Variants in CD96 observed in about 807,000 individuals in gnomAD.
CD96 encodes CD96 molecule.
A neutral mutation model predicts 71.3 loss-of-function variants in CD96; 70 were observed. The observed-to-expected ratio is 0.98, with a 90% CI of 0.81 to 1.20. The LOEUF is 1.20. Among genes scored for constraint, CD96 ranks in the 50% most tolerant of loss-of-function variants. The pLI is 0.00. For missense variants in CD96, 742 were observed against 677.5 expected (o/e 1.10, Z -1.06); for synonymous variants, 248 against 233.0 (o/e 1.06, Z -0.59).
chr3:111,643,300 C>T (rs1471772662), intron 12 of CD96, among the ~76,000 whole-genome samples: 2 of 152,060 alleles, frequency 1.3e-5, no homozygotes, highest in African/African-American at 2.4e-5. Context: ...GATTAAAACT[C>T]AGCAAAATTG....
At chr3:111,565,898 T>C (rs16858276) in intron 2 of CD96, among the ~76,000 whole-genome samples, 4,601 of 151,664 alleles carry the variant, frequency 0.03, 173 homozygotes, top group East Asian at 0.15. Flanking sequence ...AAAGAGTTAT[T>C]GGTAAAGAAG....
intron 5 of CD96, among the ~76,000 whole-genome samples, chr3:111,591,983 T>C (rs927827057): frequency 1.3e-5 from 2 of 152,240 alleles, no homozygotes; most frequent in African/African-American, 4.8e-5. Flanking sequence ...CATCCTCTGC[T>C]TCCAGAGAGG....
intron 5 of CD96, among the ~76,000 whole-genome samples, chr3:111,587,547 C>G (rs1206249961): frequency 6.6e-6 from 1 of 152,158 alleles, no homozygotes; most frequent in East Asian, 1.9e-4. Flanking sequence ...GAATGGTGGT[C>G]CTCTTCTCAC....
chr3:111,553,182 T>A (rs548802532), intron 2 of CD96, among the ~76,000 whole-genome samples: 37 of 150,830 alleles, frequency 2.5e-4, no homozygotes, highest in African/African-American at 7.6e-4. Flanking sequence ...TTTTTTTTTT[T>A]AAATTAGGAT....
At chr3:111,548,977 T>C (rs1247566876) in intron 2 of CD96, among the ~76,000 whole-genome samples, 1 of 152,152 alleles carries the variant, frequency 6.6e-6, no homozygotes, top group African/African-American at 2.4e-5. Context: ...CAAAGTTCAA[T>C]AGGAAGAAGT....
At chr3:111,606,892 G>C in intron 8 of CD96, 100 bp downstream of exon 8, 1 of 784,342 alleles carries the variant, frequency 1.3e-6, no homozygotes, top group South Asian at 1.4e-5. Context: ...TCTTAGCTAT[G>C]ACTTTTTTGG....
chr3:111,575,825 T>C (rs979557298), intron 3 of CD96, among the ~76,000 whole-genome samples: 5 of 152,210 alleles, frequency 3.3e-5, no homozygotes, highest in African/African-American at 1.2e-4. Context: ...ACAAGCACTT[T>C]GTAGAGTGGC....
At chr3:111,606,846 T>A in intron 8 of CD96, 54 bp downstream of exon 8, 1 of 1,071,466 alleles carries the variant, frequency 9.3e-7, no homozygotes, top group Non-Finnish European at 1.5e-6. Context: ...TTGATAACGA[T>A]AAAATTTCAG....
rs569724190 is a variant in CD96, at chr3:111,603,973, A to T, written c.1088-2727A>T. ...TAATATGCATATAAATCACCCAGGG[A>T]TCTTGCTAAAATACAAAAATTCTGA... On this transcript the variant is annotated intron_variant, in intron 7 of 13. Coordinates refer to ENST00000352690, the MANE Select transcript of CD96 (RefSeq NM_005816.5). 1.2e-3 allele frequency among the ~76,000 whole-genome samples: 178 copies of T among 152,282 alleles called. 2 individuals carry two copies. The South Asian group carries it at 0.036, about 31-fold the overall frequency.
At chr3:111,589,404 C>A (rs943027359) in intron 5 of CD96, among the ~76,000 whole-genome samples, 1 of 152,146 alleles carries the variant, frequency 6.6e-6, no homozygotes, top group Non-Finnish European at 1.5e-5. Context: ...ATAAAATTTC[C>A]TCTTCTCTAC....
intron 8 of CD96, among the ~76,000 whole-genome samples, chr3:111,607,522 C>A (rs1415299679): frequency 6.6e-6 from 1 of 152,162 alleles, no homozygotes; most frequent in East Asian, 1.9e-4. Flanking sequence ...AACAAAGAAC[C>A]ATGGTGACTC....
At chr3:111,652,614 C>A (rs910905941), downstream of CD96, among the ~76,000 whole-genome samples, 1 of 152,016 alleles carries the variant, frequency 6.6e-6, no homozygotes, top group Admixed American at 6.6e-5. Flanking sequence ...CTTTTAGTAT[C>A]GTAATTAAGT....
intron 4 of CD96, among the ~76,000 whole-genome samples, chr3:111,582,761 G>T (rs1936526322): frequency 6.6e-6 from 1 of 152,138 alleles, no homozygotes; most frequent in African/African-American, 2.4e-5. Flanking sequence ...AAACCCATTA[G>T]ATCTCATGAG....
At chr3:111,588,377 C>T (rs1034195720) in intron 5 of CD96, among the ~76,000 whole-genome samples, 3 of 152,214 alleles carry the variant, frequency 2.0e-5, no homozygotes, top group South Asian at 2.1e-4. Flanking sequence ...GAGACAACCT[C>T]GGCCTGGACC....
intron 8 of CD96, among the ~76,000 whole-genome samples, chr3:111,608,254 T>C (rs1937725143): frequency 6.7e-6 from 1 of 150,338 alleles, no homozygotes; most frequent in South Asian, 2.1e-4. Flanking sequence ...CTGGACCAAG[T>C]AATTCAAGAA....
In CD96 at chr3:111,554,992, A is replaced by G. The variant is rs565044178; in HGVS notation, c.418+9590A>G. 4.6e-5 allele frequency among the ~76,000 whole-genome samples: 7 copies of G among 152,188 alleles called. No homozygotes were observed. The South Asian group carries it at 6.2e-4, about 14-fold the overall frequency. ...AATTCACAATAGAGTTCGCACTCCT[A>G]TGAAAATCTAATGCAGCCACTGATT... is the stretch of plus-strand genomic sequence containing the variant. On this transcript the variant is annotated intron_variant, in intron 2 of 13. Coordinates refer to ENST00000352690, the MANE Select transcript of CD96 (RefSeq NM_005816.5).
chr3:111,620,526 T>C (rs537631633), intron 8 of CD96, among the ~76,000 whole-genome samples: 1 of 152,322 alleles, frequency 6.6e-6, no homozygotes, highest in African/African-American at 2.4e-5. Flanking sequence ...TTCTACATAA[T>C]GAGTGAGGTC....
At chr3:111,662,214 C>T (rs1433891019) in intron 14 of CD96, among the ~76,000 whole-genome samples, 3 of 152,196 alleles carry the variant, frequency 2.0e-5, no homozygotes, top group Non-Finnish European at 4.4e-5. Flanking sequence ...CACCATGTAC[C>T]AAGGCTGCAC....
chr3:111,624,532 T>C (rs1938657391), intron 10 of CD96, 128 bp downstream of exon 10: 3 of 706,008 alleles, frequency 4.2e-6, no homozygotes, highest in Non-Finnish European at 7.7e-6. Flanking sequence ...ATCTATCATG[T>C]TTAAAGTATT....
Sources: gnomAD v4.1 joint callset for allele counts (sites outside exome capture counted in the v4.1 genomes callset) on GRCh38, gnomAD v4.1.1 for gene constraint, MANE v1.5 for transcripts, NCBI Gene and HGNC (gene_info 2026-07-23, HGNC 2026-07-21) for gene names.